The following ULK4 variants were observed in gnomAD, a reference collection of about 807,000 sequenced individuals.
ULK4 encodes the protein inactive serine/threonine-protein kinase ULK4.
In ULK4, 133 loss-of-function variants were observed where a neutral mutation model predicts 160.6. That is an observed-to-expected ratio of 0.83 (90% CI 0.72 to 0.96). ULK4 has a LOEUF of 0.96. ULK4 is among the 40% of genes least tolerant of loss of function. The pLI is 0.00. For synonymous variants in ULK4, 534 were observed against 539.8 expected (o/e 0.99, Z 0.15); for missense variants, 1,580 against 1,499.5 (o/e 1.05, Z -0.89).
In ULK4 at chr3:41,733,940, T is replaced by C. The variant is rs139090348; in HGVS notation, c.2322-16079A>G. On this transcript the variant is annotated intron_variant, in intron 22 of 36. Coordinates refer to ENST00000301831, the MANE Select transcript of ULK4 (RefSeq NM_017886.4). ...TTAGTTGAGACGGGGTTTCACCATG[T>C]TGGTCAGGCTGGTCTCAAACTCCTG... Among the ~76,000 whole-genome samples, 157 of 152,182 alleles carry C rather than the reference T, an allele frequency of 1.0e-3. 2 individuals are homozygous for C. The highest frequency in any genetic ancestry group is 3.7e-3 in the African/African-American group (155 of 41,494).
At chr3:41,859,924 T>A (rs1392819598) in intron 17 of ULK4, among the ~76,000 whole-genome samples, 1 of 147,158 alleles carries the variant, frequency 6.8e-6, no homozygotes, top group African/African-American at 2.5e-5. Flanking sequence ...CACCTCGGCA[T>A]CCCAAAGTGC....
chr3:41,882,019 ATG>A, intron 17 of ULK4: 2 of 397,266 alleles, frequency 5.0e-6, no homozygotes, highest in Non-Finnish European at 9.2e-6. Context: ...TACCAGTAGA[ATG>A]AGGCCATCAC....
At chr3:41,870,411 TTG>T (rs1486731427) in intron 17 of ULK4, among the ~76,000 whole-genome samples, 15 of 152,328 alleles carry the variant, frequency 9.8e-5, no homozygotes, top group African/African-American at 3.4e-4. Context: ...TCTTTTTGCT[TTG>T]TGTGTCAGTT....
At chr3:41,307,658 C>T (rs1489201700) in intron 35 of ULK4, among the ~76,000 whole-genome samples, 1 of 152,094 alleles carries the variant, frequency 6.6e-6, no homozygotes, top group Non-Finnish European at 1.5e-5. Context: ...GAGACCCCAT[C>T]TCTACAAATA....
intron 5 of ULK4, among the ~76,000 whole-genome samples, chr3:41,924,710 G>A (rs1699317631): frequency 6.6e-6 from 1 of 152,074 alleles, no homozygotes; most frequent in South Asian, 2.1e-4. Context: ...TTCTTCTTGG[G>A]CATGAAATCT....
intron 35 of ULK4, among the ~76,000 whole-genome samples, chr3:41,330,291 C>G (rs1236385179): frequency 2.0e-5 from 3 of 152,204 alleles, no homozygotes; most frequent in Non-Finnish European, 4.4e-5. Context: ...TAACCCTATA[C>G]TGACTGCCTT....
intron 17 of ULK4, among the ~76,000 whole-genome samples, chr3:41,839,333 C>A (rs1313028294): frequency 6.8e-6 from 1 of 148,030 alleles, no homozygotes; most frequent in Non-Finnish European, 1.5e-5. Flanking sequence ...GAGCAAGACT[C>A]TGTCTCAAAA....
chr3:41,552,327 C>T (rs754274612), intron 32 of ULK4, among the ~76,000 whole-genome samples: 2 of 151,890 alleles, frequency 1.3e-5, no homozygotes, highest in Non-Finnish European at 2.9e-5. Context: ...AATTGTCCCT[C>T]TTTGCTAATG....
chr3:41,467,583 CTAAACAAATTAAGATA>C (rs1313557265), intron 32 of ULK4, among the ~76,000 whole-genome samples: 14 of 151,950 alleles, frequency 9.2e-5, no homozygotes, highest in African/African-American at 3.4e-4. Flanking sequence ...CAACAGGAGA[CTAAACAAATTAAGATA>C]TAATCATATA....
intron 5 of ULK4, 54 bp downstream of exon 5, chr3:41,931,790 C>T (rs1183928636): frequency 2.5e-6 from 4 of 1,593,040 alleles, no homozygotes; most frequent in African/African-American, 1.3e-5. Flanking sequence ...AAACACAGGA[C>T]TTGGATGGTC....
intron 32 of ULK4, among the ~76,000 whole-genome samples, chr3:41,544,367 G>A (rs2086790745): frequency 6.6e-6 from 1 of 152,114 alleles, no homozygotes; most frequent in African/African-American, 2.4e-5. Flanking sequence ...TTTGCCAAGG[G>A]GCTGTTTATA....
chr3:41,943,974 A>C (rs376604262), intron 2 of ULK4, among the ~76,000 whole-genome samples: 2 of 152,238 alleles, frequency 1.3e-5, no homozygotes, highest in Non-Finnish European at 2.9e-5. Flanking sequence ...CCTCTATGAC[A>C]GAACAGCCTT....
chr3:41,663,089 C>T (rs571440647), intron 30 of ULK4, among the ~76,000 whole-genome samples: 79 of 151,670 alleles, frequency 5.2e-4, no homozygotes, highest in African/African-American at 1.8e-3. Flanking sequence ...GGCATGGCGG[C>T]GGGCACCTGT....
intron 31 of ULK4, among the ~76,000 whole-genome samples, chr3:41,591,964 T>C (rs904139691): frequency 6.6e-6 from 1 of 152,236 alleles, no homozygotes; most frequent in Admixed American, 6.5e-5. Context: ...CAGGATAGAC[T>C]GCAGCTCCCA....
intron 34 of ULK4, among the ~76,000 whole-genome samples, chr3:41,432,288 A>T: frequency 6.6e-6 from 1 of 152,226 alleles, no homozygotes; most frequent in East Asian, 1.9e-4. Flanking sequence ...GTTACCCATT[A>T]GCACCTCAAC....
At chr3:41,870,210 G>A (rs1165702604) in intron 17 of ULK4, among the ~76,000 whole-genome samples, 2 of 152,170 alleles carry the variant, frequency 1.3e-5, no homozygotes, top group African/African-American at 2.4e-5. Context: ...CTTGGTCAGG[G>A]TTCGGTGTGA....
At chr3:41,648,359 C>A (rs1224368048) in intron 30 of ULK4, among the ~76,000 whole-genome samples, 1 of 150,916 alleles carries the variant, frequency 6.6e-6, no homozygotes, top group Non-Finnish European at 1.5e-5. Flanking sequence ...CCAGTTTTTA[C>A]TCTTTATCTT....
chr3:41,261,037 C>T (rs984243911), intron 35 of ULK4, among the ~76,000 whole-genome samples: 2 of 152,054 alleles, frequency 1.3e-5, no homozygotes, highest in African/African-American at 2.4e-5. Context: ...TCAAGGGCAG[C>T]GATGAGTCTC....
chr3:41,649,948 A>T (rs1232626478), intron 30 of ULK4, among the ~76,000 whole-genome samples: 4 of 152,196 alleles, frequency 2.6e-5, no homozygotes, highest in Non-Finnish European at 2.9e-5. Context: ...TCAGCCCATG[A>T]AAACCCCAGA....
Sources: allele counts gnomAD v4.1 joint callset (sites outside exome capture counted in the v4.1 genomes callset), GRCh38; gene constraint gnomAD v4.1.1; transcripts MANE v1.5; gene names NCBI Gene and HGNC (gene_info 2026-07-23, HGNC 2026-07-21).